The following PHACTR1 variants were observed in gnomAD, a reference collection of about 807,000 sequenced individuals.
PHACTR1 encodes the protein phosphatase and actin regulator 1.
A neutral mutation model predicts 69.2 loss-of-function variants in PHACTR1; 16 were observed. The ratio of observed to expected loss-of-function variants is 0.23; its 90% CI spans 0.16 to 0.35. The LOEUF is 0.35. Ranked by LOEUF, PHACTR1 falls within the 10% of genes least tolerant of loss-of-function variation. The pLI, the probability that PHACTR1 is intolerant of heterozygous loss-of-function variation, is 1.00. For synonymous variants in PHACTR1, 312 were observed against 284.5 expected (o/e 1.10, Z -0.97); for missense variants, 510 against 734.7 (o/e 0.69, Z 3.54).
intron 4 of PHACTR1, among the ~76,000 whole-genome samples, chr6:12,858,891 G>A (rs1236315765): frequency 6.6e-6 from 1 of 151,932 alleles, no homozygotes; most frequent in African/African-American, 2.4e-5. Context: ...TGTTTAATTT[G>A]CATTTTTTCT....
chr6:13,179,961 GA>G lies in PHACTR1; in HGVS notation c.497-2553del, dbSNP rs928400784. 6.6e-6 allele frequency among the ~76,000 whole-genome samples: 1 copy of G among 152,158 alleles called. No individual in the cohort carries two copies. Among genetic ancestry groups the G allele is most frequent in the Non-Finnish European group, 1.5e-5 (1 of 68,030 alleles). On this transcript the variant is annotated intron_variant, in intron 6 of 14. Coordinates refer to ENST00000332995, the MANE Select transcript of PHACTR1 (RefSeq NM_030948.6). The surrounding 1 kb of genome is among the most constrained non-coding windows in gnomAD (Gnocchi z 4.2). ...CTAAAGGGGGAGAATTCTAATTGCA[GA>G]AAAATTGTATGCAAGACGATGGTCC... is the stretch of plus-strand genomic sequence containing the variant.
At chr6:12,751,445 C>T (rs979226045) in intron 4 of PHACTR1, among the ~76,000 whole-genome samples, 4 of 152,204 alleles carry the variant, frequency 2.6e-5, no homozygotes, top group Admixed American at 2.6e-4. Context: ...AGATTGTTTT[C>T]CCAACCAAGT....
In PHACTR1 at chr6:12,851,982, G is replaced by A. The variant is rs977703678; in HGVS notation, c.250+102192G>A. 7.2e-5 allele frequency among the ~76,000 whole-genome samples: 11 copies of A among 152,096 alleles called. No homozygotes were observed. The East Asian group carries it at 1.2e-3, about 16-fold the overall frequency. On this transcript the variant is annotated intron_variant, in intron 4 of 14. Coordinates refer to ENST00000332995, the MANE Select transcript of PHACTR1 (RefSeq NM_030948.6). ...CCTGAGTAGCTGAGATTACAGGTAC[G>A]CGCCACCACACCCAGCTAACTTTTG...
At chr6:13,193,371 A>ATATATATATATATATAT (rs1274719440) in intron 7 of PHACTR1, among the ~76,000 whole-genome samples, 3 of 106,478 alleles carry the variant, frequency 2.8e-5, no homozygotes, top group Non-Finnish European at 5.7e-5. Flanking sequence ...ATATATATAT[A>ATATATATATATATATAT]TATATATATA....
chr6:13,185,006 G>T (rs753065304), intron 7 of PHACTR1: 113 of 1,364,764 alleles, frequency 8.3e-5, no homozygotes, highest in Non-Finnish European at 1.1e-4. Flanking sequence ...CACTTAACAG[G>T]TGAGTGCAGA....
intron 4 of PHACTR1, among the ~76,000 whole-genome samples, chr6:12,821,959 G>A (rs1776272387): frequency 6.6e-6 from 1 of 152,158 alleles, no homozygotes; most frequent in Admixed American, 6.5e-5. Context: ...AGGAAACTTT[G>A]GGGAAAATCA....
intron 4 of PHACTR1, among the ~76,000 whole-genome samples, chr6:12,982,710 T>G (rs1481015111): frequency 1.3e-5 from 2 of 152,148 alleles, no homozygotes; most frequent in Admixed American, 1.3e-4. Flanking sequence ...CCAGGCTTGC[T>G]CTCAAGAATC....
chr6:12,808,996 G>A (rs1432088124), intron 4 of PHACTR1, among the ~76,000 whole-genome samples: 1 of 151,954 alleles, frequency 6.6e-6, no homozygotes, highest in Non-Finnish European at 1.5e-5. Flanking sequence ...TCCCACTTCA[G>A]CCTCCTGGGT....
intron 4 of PHACTR1, among the ~76,000 whole-genome samples, chr6:12,974,704 T>C (rs115427418): frequency 3.9e-5 from 6 of 152,198 alleles, no homozygotes; most frequent in African/African-American, 1.4e-4. Context: ...ACAGGAAGTA[T>C]GTGCTGGGTC....
chr6:13,216,399 G>T (rs1562009533), intron 8 of PHACTR1, among the ~76,000 whole-genome samples: 1 of 152,280 alleles, frequency 6.6e-6, no homozygotes, highest in East Asian at 1.9e-4. Flanking sequence ...GCTAATTAGG[G>T]TGTTCCCTGA....
chr6:12,939,298 G>A (rs1246581380), intron 4 of PHACTR1, among the ~76,000 whole-genome samples: 1 of 152,152 alleles, frequency 6.6e-6, no homozygotes, highest in African/African-American at 2.4e-5. Flanking sequence ...GGTAGGTGGT[G>A]CCTTAGCATC....
intron 4 of PHACTR1, among the ~76,000 whole-genome samples, chr6:13,020,687 C>T (rs982159751): frequency 2.6e-5 from 4 of 152,322 alleles, no homozygotes; most frequent in East Asian, 1.9e-4. Flanking sequence ...GCTCTTCCAG[C>T]GAGGGTCTGT....
intron 6 of PHACTR1, among the ~76,000 whole-genome samples, chr6:13,178,772 T>G (rs2113694237): frequency 6.6e-6 from 1 of 152,304 alleles, no homozygotes; most frequent in South Asian, 2.1e-4. Flanking sequence ...CAGCATAATT[T>G]CCAACACTCA....
chr6:13,185,619 G>A (rs1198119444), intron 7 of PHACTR1, among the ~76,000 whole-genome samples: 1 of 152,204 alleles, frequency 6.6e-6, no homozygotes, highest in African/African-American at 2.4e-5. Flanking sequence ...ATTAAATTGA[G>A]CACTCAGTGA....
At chr6:13,249,525 G>A (rs1267808748) in intron 10 of PHACTR1, among the ~76,000 whole-genome samples, 2 of 152,186 alleles carry the variant, frequency 1.3e-5, no homozygotes, top group African/African-American at 2.4e-5. Context: ...TAAGCCGGGC[G>A]TGGTGGCTCA....
At chr6:12,743,601 G>C (rs1765359521) in intron 3 of PHACTR1, among the ~76,000 whole-genome samples, 1 of 152,124 alleles carries the variant, frequency 6.6e-6, no homozygotes, top group Non-Finnish European at 1.5e-5. Flanking sequence ...GCAACAAGAA[G>C]AGCTAACTAT....
rs188131366 is a variant in PHACTR1 at position 13,006,068 on chromosome 6, A to C, written c.251-47297A>C. On this transcript the variant is annotated intron_variant, in intron 4 of 14. Coordinates refer to ENST00000332995, the MANE Select transcript of PHACTR1 (RefSeq NM_030948.6). ...AAACGGCCCTGAGGGACTCACCACA[A>C]TGTAGATACAATCCCAGCCCTAAAA... is the stretch of plus-strand genomic sequence containing the variant. 2.4e-3 allele frequency among the ~76,000 whole-genome samples: 363 copies of C among 152,308 alleles called. 5 individuals carry two copies. Among genetic ancestry groups the C allele is most frequent in the Admixed American group, 0.021 (318 of 15,292 alleles).
intron 4 of PHACTR1, among the ~76,000 whole-genome samples, chr6:13,046,192 G>A (rs549691381): frequency 3.9e-5 from 6 of 152,202 alleles, no homozygotes; most frequent in Admixed American, 1.3e-4. Flanking sequence ...TGTAAGTGGC[G>A]TTTCCTCTGA....
chr6:12,922,744 A>G (rs746170106), intron 4 of PHACTR1, among the ~76,000 whole-genome samples: 3 of 152,196 alleles, frequency 2.0e-5, no homozygotes, highest in Non-Finnish European at 4.4e-5. Context: ...GTAGATCTGA[A>G]GGACTTACTA....
Sources: allele counts gnomAD v4.1 joint callset (sites outside exome capture counted in the v4.1 genomes callset), GRCh38; gene constraint gnomAD v4.1.1; non-coding constraint Gnocchi (gnomAD v3.1); transcripts MANE v1.5; gene names NCBI Gene and HGNC (gene_info 2026-07-23, HGNC 2026-07-21).